PPP1R11: variants seen among roughly 807,000 people sequenced by gnomAD.
PPP1R11 encodes E3 ubiquitin-protein ligase PPP1R11.
PPP1R11 carries 10 observed loss-of-function variants against 11.3 expected under a neutral mutation model. The observed-to-expected ratio is 0.88, with a 90% CI of 0.55 to 1.50. The LOEUF (loss-of-function observed/expected upper bound fraction) is 1.50. Ranked by LOEUF, PPP1R11 falls within the 40% of genes most tolerant of loss-of-function variation. The pLI is 0.00. For synonymous variants in PPP1R11, 56 were observed against 62.3 expected, an observed-to-expected ratio of 0.90 and a Z score of 0.48; for missense variants, 114 against 179.1, an observed-to-expected ratio of 0.64 and a Z score of 2.07.
chr6:30,068,762 A>G lies in PPP1R11; in HGVS notation c.178+64A>G, dbSNP rs879136941. ...GCTCCCTTCAGCATATCTTGTATCT[A>G]CTCATATCCACTGGCTTTCCAGAAG... On this transcript the variant is annotated intron_variant, in intron 2 of 2. Coordinates refer to ENST00000376772, the MANE Select transcript of PPP1R11 (RefSeq NM_021959.3). The G allele has an allele frequency of 2.4e-5, 33 of 1,372,544 alleles. No individual in the cohort carries two copies. The South Asian group carries it at 3.7e-4, about 15-fold the overall frequency. The allele number at this position is 1,372,544 out of a possible 1,614,324, so 85.0% of individuals were successfully genotyped here.
upstream of PPP1R11, among the ~76,000 whole-genome samples, chr6:30,064,285 A>G (rs1231304833): frequency 6.7e-6 from 1 of 150,266 alleles, no homozygotes; most frequent in African/African-American, 2.4e-5. Flanking sequence ...ACTGGTTGTC[A>G]TTTTACCAAA....
upstream of PPP1R11, chr6:30,066,984 G>C (rs990871580): frequency 5.7e-6 from 1 of 176,444 alleles, no homozygotes; most frequent in African/African-American, 2.4e-5. Flanking sequence ...TACCCATCTG[G>C]GCGCCCCTCC....
At chr6:30,066,534 G>A (rs1412355935), upstream of PPP1R11, among the ~76,000 whole-genome samples, 1 of 152,170 alleles carries the variant, frequency 6.6e-6, no homozygotes. Context: ...ATCAGACATG[G>A]CATTTGTTAA....
upstream of PPP1R11, chr6:30,064,668 C>T: frequency 6.2e-7 from 1 of 1,607,438 alleles, no homozygotes; most frequent in South Asian, 1.1e-5. Flanking sequence ...TTTCTTTCCT[C>T]ATAGGTTCCA....
At chr6:30,064,479 A>G (rs1266165437), upstream of PPP1R11, among the ~76,000 whole-genome samples, 1 of 151,934 alleles carries the variant, frequency 6.6e-6, no homozygotes, top group African/African-American at 2.4e-5. Flanking sequence ...TGAGGTTATA[A>G]CTCATTGGAT....
chr6:30,067,614 G>GT, intron 1 of PPP1R11, 135 bp downstream of exon 1: 1 of 1,146,350 alleles, frequency 8.7e-7, no homozygotes, highest in Non-Finnish European at 1.3e-6. Flanking sequence ...CTAGGGCTGG[G>GT]AGAATCGGAA....
At chr6:30,062,117 G>A (rs1329677023), upstream of PPP1R11, 4 of 1,455,710 alleles carry the variant, frequency 2.7e-6, no homozygotes, top group East Asian at 2.3e-5. Context: ...AATTCCAAGA[G>A]GGAAAAGAGA....
At chr6:30,061,692 T>C in the PPP1R11 span, 1 of 1,611,868 alleles carries the variant, frequency 6.2e-7, no homozygotes, top group Non-Finnish European at 8.5e-7. The surrounding 1 kb of genome is among the most constrained non-coding windows in gnomAD (Gnocchi z 5.0). Flanking sequence ...TACGCAGGGG[T>C]CCTGGCGGAG....
At chr6:30,067,673 A>T in intron 1 of PPP1R11, 194 bp downstream of exon 1, 1 of 643,414 alleles carries the variant, frequency 1.6e-6, no homozygotes, top group Non-Finnish European at 2.7e-6. Flanking sequence ...AGGCAGGTCA[A>T]GGAACTTGTA....
At chr6:30,067,572 C>A (rs1765633267) in intron 1 of PPP1R11, 93 bp downstream of exon 1, 3 of 1,461,610 alleles carry the variant, frequency 2.1e-6, no homozygotes, top group African/African-American at 2.8e-5. Flanking sequence ...AGGAGCTAGG[C>A]CTAGGGATAT....
upstream of PPP1R11, chr6:30,062,198 T>C (rs570751747): frequency 6.3e-7 from 1 of 1,585,138 alleles, no homozygotes; most frequent in South Asian, 1.1e-5. Context: ...TGACCAGGCC[T>C]CCCTAACCCA....
At chr6:30,061,557 C>A in the PPP1R11 span, 1 of 1,613,110 alleles carries the variant, frequency 6.2e-7, no homozygotes, top group Non-Finnish European at 8.5e-7. The surrounding 1 kb of genome is among the most constrained non-coding windows in gnomAD (Gnocchi z 5.0). Flanking sequence ...ATACTTGCTC[C>A]AGCTTTCAGT....
chr6:30,062,108 A>G (rs1765127329), upstream of PPP1R11: 3 of 1,467,710 alleles, frequency 2.0e-6, no homozygotes, highest in African/African-American at 1.4e-5. Flanking sequence ...TTTGTGCCCA[A>G]TTCCAAGAGG....
At chr6:30,062,714 C>CTTTTTTTTTTTTTT (rs9278555), upstream of PPP1R11, among the ~76,000 whole-genome samples, 15 of 42,388 alleles carry the variant, frequency 3.5e-4, no homozygotes, top group African/African-American at 6.1e-4. Context: ...CCACGCCTGG[C>CTTTTTTTTTTTTTT]TTTTTTTTTT....
At chr6:30,062,714 C>CT (rs9278555), upstream of PPP1R11, among the ~76,000 whole-genome samples, 533 of 42,328 alleles carry the variant, frequency 0.013, 64 homozygotes, top group African/African-American at 0.037. Context: ...CCACGCCTGG[C>CT]TTTTTTTTTT....
upstream of PPP1R11, chr6:30,062,189 G>A (rs547246315): frequency 6.4e-7 from 1 of 1,555,546 alleles, no homozygotes. Context: ...AAGGGGATAT[G>A]ACCAGGCCTC....
upstream of PPP1R11, among the ~76,000 whole-genome samples, chr6:30,065,278 C>G (rs1378755768): frequency 6.6e-6 from 1 of 152,114 alleles, no homozygotes; most frequent in East Asian, 1.9e-4. The surrounding 1 kb of genome is among the most constrained non-coding windows in gnomAD (Gnocchi z 5.3). Flanking sequence ...GACCCTTGAA[C>G]AACACAGGTT....
intron 1 of PPP1R11, 27 bp from the exon 2 acceptor site, chr6:30,068,563 T>G (rs1403647380): frequency 6.3e-7 from 1 of 1,586,008 alleles, no homozygotes; most frequent in East Asian, 2.2e-5. Flanking sequence ...GGGGACTAGA[T>G]AGGTATGCTC....
chr6:30,067,866 ATATT>A (rs920278699), intron 1 of PPP1R11, among the ~76,000 whole-genome samples: 2 of 152,188 alleles, frequency 1.3e-5, no homozygotes, highest in Admixed American at 6.5e-5. Flanking sequence ...ATTCGAATAA[ATATT>A]TATTGAATGG....
Sources: gnomAD v4.1 joint callset for allele counts (sites outside exome capture counted in the v4.1 genomes callset) on GRCh38, gnomAD v4.1.1 for gene constraint, Gnocchi (gnomAD v3.1) non-coding constraint, MANE v1.5 for transcripts, NCBI Gene and HGNC (gene_info 2026-07-23, HGNC 2026-07-21) for gene names.